Variants in NOP53 observed in about 807,000 individuals in gnomAD.
NOP53 encodes the protein NOP53 ribosome biogenesis factor, also known as ribosome biogenesis protein NOP53.
Under a neutral mutation model 61.0 loss-of-function variants are expected in NOP53, and 40 were observed. The observed-to-expected ratio is 0.66, with a 90% CI of 0.51 to 0.85. NOP53 has a LOEUF of 0.85. Among genes scored for constraint, NOP53 ranks in the 40% least tolerant of loss-of-function variants. NOP53 has a pLI of 0.00. For synonymous variants in NOP53, 308 were observed against 289.5 expected (o/e 1.06, Z -0.65); for missense variants, 689 against 652.9 (o/e 1.06, Z -0.60).
rs57445377 is a variant in NOP53, at chr19:47,750,834, G to A, written c.399-74G>A. 3.8e-3 allele frequency: 4,958 copies of A among 1,303,864 alleles called. 155 individuals are homozygous for A. In the African/African-American group the frequency reaches 0.062, roughly 16 times the overall value. The allele number at this position is 1,303,864 out of a possible 1,614,324, so 80.8% of individuals were successfully genotyped here. On this transcript the variant is annotated intron_variant, in intron 3 of 12. Transcript: ENST00000246802. ...GCTGCCTTAATGGTGGAGGAAGCCCGACGGGGAGGAGGCCCTGCTGCCGTT... is the reference window on the plus strand; with the variant it reads ...GCTGCCTTAATGGTGGAGGAAGCCCAACGGGGAGGAGGCCCTGCTGCCGTT...
intron 5 of NOP53, among the ~76,000 whole-genome samples, chr19:47,752,182 A>G (rs1409230317): frequency 6.6e-6 from 1 of 152,222 alleles, no homozygotes; most frequent in Non-Finnish European, 1.5e-5. Flanking sequence ...GTAAAGAGGT[A>G]GCACATGAGA....
At chr19:47,746,770 T>A (rs1011358803) in intron 1 of NOP53, 197 bp from the exon 2 acceptor site, 56 of 492,784 alleles carry the variant, frequency 1.1e-4, no homozygotes, top group Non-Finnish European at 1.9e-4. Context: ...CCCAAAGTGC[T>A]GGGATTACAG....
intron 10 of NOP53, 200 bp from the exon 11 acceptor site, chr19:47,756,324 GCCCA>G: frequency 1.7e-6 from 1 of 595,124 alleles, no homozygotes; most frequent in Non-Finnish European, 3.0e-6. Flanking sequence ...ACTCCTCTAA[GCCCA>G]GCTTAGAGAT....
In NOP53 at chr19:47,755,457, GGCAGAGGCGGCGGCAGGC is replaced by G; in HGVS notation, c.1166_1183del (p.Gln389_Ala394del). 1 of 1,507,232 alleles carries G rather than the reference GGCAGAGGCGGCGGCAGGC, an allele frequency of 6.6e-7. No homozygotes were observed. The highest frequency in any genetic ancestry group is 8.8e-7 in the Non-Finnish European group (1 of 1,131,668). 93.4% of individuals were successfully genotyped at this position (1,507,232 alleles called of 1,614,324 possible). A position where few individuals can be genotyped will look rare whatever the true frequency, so the allele number is the denominator to read the frequency against. Reference sequence around the variant, plus strand: ...CTGAGGCTGGCGGAGCTGGCGCGGCGGCAGAGGCGGCGGCAGGCGCGGCGGGAGGCTGAGGCTGACAAG... The same window carrying G: ...CTGAGGCTGGCGGAGCTGGCGCGGCGGCGGCGGGAGGCTGAGGCTGACAAG... On this transcript the variant is annotated inframe_deletion, in exon 9 of 13. Transcript: ENST00000246802.
At chr19:47,752,085 C>T (rs1967131101) in intron 5 of NOP53, among the ~76,000 whole-genome samples, 1 of 150,608 alleles carries the variant, frequency 6.6e-6, no homozygotes, top group Non-Finnish European at 1.5e-5. Context: ...CCAGCCTGGG[C>T]AACAAGAGCG....
intron 4 of NOP53, 123 bp from the exon 5 acceptor site, chr19:47,751,397 T>G: frequency 1.3e-6 from 1 of 757,622 alleles, no homozygotes; most frequent in Non-Finnish European, 2.3e-6. Flanking sequence ...GGGTCTAGAA[T>G]CAGTCCTTCC....
At chr19:47,746,909 G>T in intron 1 of NOP53, 58 bp from the exon 2 acceptor site, 1 of 1,446,892 alleles carries the variant, frequency 6.9e-7, no homozygotes, top group Non-Finnish European at 9.7e-7. Context: ...GACCTGCCAG[G>T]TTAAATCTCT....
intron 2 of NOP53, 108 bp downstream of exon 2, chr19:47,747,139 C>G: frequency 1.2e-6 from 1 of 844,842 alleles, no homozygotes. Flanking sequence ...CAAATATCTG[C>G]GGAAACAGGT....
Position 47,745,688 on chromosome 19 carries a change from T to G in NOP53, c.129T>G (p.Asn43Lys), listed in dbSNP as rs1475504785. Residue 43 changes from asparagine (N) to lysine (K), a missense_variant, in exon 1 of 13, where the codon AAT becomes AAG. Asn to Lys is a moderately conservative substitution (Grantham distance 94). Transcript: ENST00000246802. ...GGCGGCGGCGGCGAGGCCCAAGAAA[T>G]AAGAAGCGGGGCTGGCGGCGGCTTG... is the stretch of plus-strand genomic sequence containing the variant. The part of the protein sequence containing the change: ...ALRRRRRGPR[N>K]KKRGWRRLAQ... 1 of 1,612,744 alleles carries G rather than the reference T, an allele frequency of 6.2e-7. No individual in the cohort carries two copies. The highest frequency in any genetic ancestry group is 2.2e-5 in the East Asian group (1 of 44,814).
intron 6 of NOP53, chr19:47,753,005 G>A (rs1967143526): frequency 5.3e-6 from 1 of 188,272 alleles, no homozygotes; most frequent in African/African-American, 2.3e-5. Context: ...GATGAAAAAG[G>A]CTGTGGTGAC....
intron 4 of NOP53, 28 bp downstream of exon 4, chr19:47,751,135 T>TA: frequency 6.4e-7 from 1 of 1,571,722 alleles, no homozygotes; most frequent in Non-Finnish European, 8.7e-7. Flanking sequence ...CACCTATGAA[T>TA]GGGGACAGGA....
intron 2 of NOP53, among the ~76,000 whole-genome samples, chr19:47,748,447 G>A (rs922839002): frequency 1.3e-5 from 2 of 152,070 alleles, no homozygotes; most frequent in Non-Finnish European, 1.5e-5. Context: ...GGAAGCAAGC[G>A]AAGGGGTCTG....
In NOP53 at chr19:47,754,863, G is replaced by A. The variant is rs991513152; in HGVS notation, c.1025G>A (p.Arg342Gln). The A allele has an allele frequency of 7.2e-6, 11 of 1,528,700 alleles. No homozygotes were observed. The highest frequency in any genetic ancestry group is 4.7e-5 in the East Asian group (2 of 42,528). 94.7% of individuals were successfully genotyped at this position (1,528,700 alleles called of 1,614,324 possible). Reference protein sequence around the residue: ...ATTEKKTEQQRRREKAVHRLR... With the variant: ...ATTEKKTEQQQRREKAVHRLR... ...ACAGAGAAGAAGACGGAGCAGCAGC[G>A]GCGGCGGGAGAAGGCTGTGCACAGG... The change falls in exon 8 of 13, where the codon CGG becomes CAG. Residue 342 changes from arginine (R) to glutamine (Q), a missense_variant. Physicochemically the swap from Arg to Gln is conservative, Grantham distance 43 (BLOSUM62 1). Transcript: ENST00000246802. This position sits in a 1 kb window ranked among gnomAD's most constrained non-coding sequence, Gnocchi z 4.2.
Position 47,752,495 on chromosome 19 carries a change from C to A in NOP53, c.670-17C>A, listed in dbSNP as rs376128707. 1.6e-5 allele frequency: 25 copies of A among 1,534,998 alleles called. No homozygotes were observed. The highest frequency in any genetic ancestry group is 2.1e-5 in the Non-Finnish European group (24 of 1,116,400). On this transcript the variant is annotated splice_polypyrimidine_tract_variant and intron_variant, in intron 5 of 12. Coordinates refer to ENST00000246802, the MANE Select transcript of NOP53 (RefSeq NM_015710.5). Reference sequence around the variant, plus strand: ...CCCAACGCACGGCCTTACCCTGCCTCGGCCTTTTCTCCACAGCGGCCAGCA... The same window carrying A: ...CCCAACGCACGGCCTTACCCTGCCTAGGCCTTTTCTCCACAGCGGCCAGCA...
At chr19:47,752,142 G>T (rs1392314870) in intron 5 of NOP53, among the ~76,000 whole-genome samples, 1 of 152,052 alleles carries the variant, frequency 6.6e-6, no homozygotes, top group Non-Finnish European at 1.5e-5. Context: ...AGATGAAATT[G>T]TACTTAGATC....
At position 47,754,972 on chromosome 19, in the gene NOP53, G is replaced by C; in HGVS notation, c.1053+81G>C. On this transcript the variant is annotated intron_variant, in intron 8 of 12. Coordinates refer to ENST00000246802, the MANE Select transcript of NOP53 (RefSeq NM_015710.5). This position sits in a 1 kb window ranked among gnomAD's most constrained non-coding sequence, Gnocchi z 4.2. ...CCTCCCACCATGGGCTGCCCTGGGT[G>C]CTGCGGGCAGCCTGCACACCCCAAG... is the stretch of plus-strand genomic sequence containing the variant. The C allele has an allele frequency of 7.7e-7, 1 of 1,305,898 alleles. No homozygotes were observed. Among genetic ancestry groups the C allele is most frequent in the South Asian group, 1.5e-5 (1 of 65,090 alleles). The allele number at this position is 1,305,898 out of a possible 1,614,324, so 80.9% of individuals were successfully genotyped here.
chr19:47,745,737 G>A lies in NOP53; in HGVS notation c.178G>A (p.Val60Ile). The part of the protein sequence containing the change: ...RLAQEPLGLE[V>I]DQFLEDVRLQ... ...TGCTCAGGAGCCGCTGGGGCTGGAG[G>A]TTGACCAGTTCCTGGAAGACGTGCG... The change falls in exon 1 of 13, where the codon GTT becomes ATT. Residue 60 changes from valine (V) to isoleucine (I), a missense_variant. By Grantham distance (29) the Val-to-Ile change is conservative. Transcript: ENST00000246802. 6.2e-7 allele frequency: 1 copy of A among 1,604,906 alleles called. No homozygotes were observed. The highest frequency in any genetic ancestry group is 8.5e-7 in the Non-Finnish European group (1 of 1,175,494).
chr19:47,745,986 T>C, intron 1 of NOP53: 1 of 523,098 alleles, frequency 1.9e-6, no homozygotes, highest in East Asian at 3.1e-5. Flanking sequence ...TTACCAGATT[T>C]AGCAGATAAA....
chr19:47,752,389 C>T, intron 5 of NOP53, 123 bp from the exon 6 acceptor site: 1 of 643,218 alleles, frequency 1.6e-6, no homozygotes, highest in Non-Finnish European at 2.8e-6. Context: ...CACCTGAATG[C>T]CCCTTGAGCT....
Sources: gnomAD v4.1 joint callset for allele counts (sites outside exome capture counted in the v4.1 genomes callset) on GRCh38, gnomAD v4.1.1 for gene constraint, Gnocchi (gnomAD v3.1) non-coding constraint, MANE v1.5 for transcripts, NCBI Gene and HGNC (gene_info 2026-07-23, HGNC 2026-07-21) for gene names.